The following TMEM41B variants were observed in gnomAD, a reference collection of about 807,000 sequenced individuals.
TMEM41B encodes the protein transmembrane protein 41B.
Under a neutral mutation model 31.9 loss-of-function variants are expected in TMEM41B, and 18 were observed. The observed-to-expected ratio is 0.56, with a 90% CI of 0.39 to 0.84. The LOEUF (loss-of-function observed/expected upper bound fraction) is 0.84, where lower values mean the gene tolerates loss of function less well. TMEM41B is among the 40% of genes least tolerant of loss of function. The probability of loss-of-function intolerance (pLI) is 0.00; values close to 1 mark genes in which losing one functional copy is unlikely to be tolerated. For missense variants in TMEM41B, 322 were observed against 348.0 expected, an observed-to-expected ratio of 0.93 and a Z score of 0.59; for synonymous variants, 144 against 124.3, an observed-to-expected ratio of 1.16 and a Z score of -1.05.
intron 1 of TMEM41B, among the ~76,000 whole-genome samples, chr11:9,309,626 C>G (rs775386783): frequency 3.3e-5 from 5 of 151,426 alleles, no homozygotes; most frequent in African/African-American, 1.2e-4. Context: ...TTATCCAAGT[C>G]AGAACAATAT....
At chr11:9,294,712 A>G (rs1009776098) in intron 3 of TMEM41B, among the ~76,000 whole-genome samples, 3 of 152,102 alleles carry the variant, frequency 2.0e-5, no homozygotes, top group Admixed American at 2.0e-4. Context: ...TTAAAATGTA[A>G]TATATTTCTA....
At chr11:9,291,373 CT>C (rs1474915042) in intron 3 of TMEM41B, among the ~76,000 whole-genome samples, 1 of 150,648 alleles carries the variant, frequency 6.6e-6, no homozygotes, top group Admixed American at 6.7e-5. Context: ...CAGAGTGAGA[CT>C]CCCATCTCAA....
At chr11:9,295,082 T>G in intron 3 of TMEM41B, 177 bp downstream of exon 3, 1 of 898,342 alleles carries the variant, frequency 1.1e-6, no homozygotes, top group Non-Finnish European at 1.5e-6. Flanking sequence ...AAACAATTAG[T>G]TCAGCAAATA....
chr11:9,296,917 T>C (rs1853105091), intron 2 of TMEM41B, among the ~76,000 whole-genome samples: 1 of 151,766 alleles, frequency 6.6e-6, no homozygotes, highest in Non-Finnish European at 1.5e-5. Context: ...GATCATTTCT[T>C]TTTTTTTGTT....
At chr11:9,292,304 A>G (rs1852977502) in intron 3 of TMEM41B, among the ~76,000 whole-genome samples, 2 of 152,220 alleles carry the variant, frequency 1.3e-5, no homozygotes, top group African/African-American at 4.8e-5. Context: ...TTAAATGGGA[A>G]TGTGACTTGA....
At chr11:9,308,704 T>C (rs1853460093) in intron 1 of TMEM41B, among the ~76,000 whole-genome samples, 1 of 152,204 alleles carries the variant, frequency 6.6e-6, no homozygotes, top group South Asian at 2.1e-4. Context: ...ATTCCTACTC[T>C]TTCTTCTACA....
intron 1 of TMEM41B, 82 bp downstream of exon 1, chr11:9,314,239 C>A: frequency 6.9e-7 from 1 of 1,455,414 alleles, no homozygotes. Context: ...CGCGACTCTC[C>A]GAGAATAGCG....
At chr11:9,288,606 G>A (rs1164375038) in intron 3 of TMEM41B, 71 bp from the exon 4 acceptor site, 1 of 1,129,346 alleles carries the variant, frequency 8.9e-7, no homozygotes, top group East Asian at 2.6e-5. Context: ...AACATTTCAG[G>A]AAAAAAGTAT....
chr11:9,294,934 C>T (rs1170041935), intron 3 of TMEM41B, among the ~76,000 whole-genome samples: 1 of 151,872 alleles, frequency 6.6e-6, no homozygotes, highest in Non-Finnish European at 1.5e-5. Context: ...ATTATATAAA[C>T]TAGTATCATC....
At chr11:9,285,558 CA>C (rs928194079) in intron 6 of TMEM41B, among the ~76,000 whole-genome samples, 2 of 152,060 alleles carry the variant, frequency 1.3e-5, no homozygotes, top group African/African-American at 4.8e-5. Flanking sequence ...AACATTCCTA[CA>C]AAGAATCATG....
intron 6 of TMEM41B, among the ~76,000 whole-genome samples, chr11:9,285,235 C>G (rs1470380719): frequency 6.6e-6 from 1 of 151,998 alleles, no homozygotes; most frequent in Non-Finnish European, 1.5e-5. Context: ...CAGGCACCTG[C>G]CACCACATTC....
chr11:9,291,875 T>C (rs1052867540), intron 3 of TMEM41B, among the ~76,000 whole-genome samples: 2 of 152,108 alleles, frequency 1.3e-5, no homozygotes, highest in Admixed American at 6.6e-5. Flanking sequence ...AACTGGCTAA[T>C]TTTTGTATTT....
intron 2 of TMEM41B, among the ~76,000 whole-genome samples, chr11:9,296,603 CAA>C (rs1164835040): frequency 2.5e-5 from 3 of 118,874 alleles, no homozygotes; most frequent in Non-Finnish European, 5.0e-5. Context: ...GACTCCGTCT[CAA>C]AAAAAAAAAA....
intron 1 of TMEM41B, among the ~76,000 whole-genome samples, chr11:9,300,010 T>G (rs181772564): frequency 0.011 from 1,718 of 152,220 alleles, 12 homozygotes; most frequent in Non-Finnish European, 0.019. Flanking sequence ...TCCCAGCTAT[T>G]CGGGAGGCTG....
At chr11:9,308,479 T>C (rs538931584) in intron 1 of TMEM41B, among the ~76,000 whole-genome samples, 67 of 152,310 alleles carry the variant, frequency 4.4e-4, no homozygotes, top group African/African-American at 1.5e-3. Context: ...CTTCATTCTC[T>C]TCCTTCCATG....
chr11:9,287,323 G>T (rs1327188052), intron 5 of TMEM41B, among the ~76,000 whole-genome samples: 1 of 151,944 alleles, frequency 6.6e-6, no homozygotes, highest in East Asian at 1.9e-4. Flanking sequence ...AAAAAGAAAA[G>T]AAAAAAATGC....
rs186203237 is a variant in TMEM41B at position 9,300,659 on chromosome 11, A to C, written c.122-958T>G. On this transcript the variant is annotated intron_variant, in intron 1 of 6. Coordinates refer to ENST00000528080, the MANE Select transcript of TMEM41B (RefSeq NM_015012.4). ...TTTGGGAGGCCGAAGCGGGCAGATC[A>C]TGAGGTCAGGAGATCGAGACCATCC... Among the ~76,000 whole-genome samples the C allele has an allele frequency of 2.6e-3, 394 of 152,114 alleles. 3 individuals carry two copies. The highest frequency in any genetic ancestry group is 4.6e-3 in the Non-Finnish European group (310 of 67,998).
intron 2 of TMEM41B, among the ~76,000 whole-genome samples, chr11:9,296,500 C>T (rs1363627416): frequency 6.6e-6 from 1 of 151,308 alleles, no homozygotes; most frequent in Non-Finnish European, 1.5e-5. Context: ...GTGGTGCATG[C>T]CTGTAATCCC....
Position 9,314,492 on chromosome 11 carries a change from A to C in TMEM41B, c.-51T>G. The C allele has an allele frequency of 6.6e-7, 1 of 1,515,758 alleles. No individual in the cohort carries two copies. The highest frequency in any genetic ancestry group is 1.4e-5 in the African/African-American group (1 of 71,886). 93.9% of individuals were successfully genotyped at this position (1,515,758 alleles called of 1,614,324 possible). On this transcript the variant is annotated 5_prime_UTR_variant, in exon 1 of 7. Transcript: ENST00000528080. ...TGCGGTGCCGCGCCCCCTAAACAACAAAACTCTGTTGCAGGCTCCTTACTA... is the reference window on the plus strand; with the variant it reads ...TGCGGTGCCGCGCCCCCTAAACAACCAAACTCTGTTGCAGGCTCCTTACTA...
Sources: allele counts gnomAD v4.1 joint callset (sites outside exome capture counted in the v4.1 genomes callset), GRCh38; gene constraint gnomAD v4.1.1; transcripts MANE v1.5; gene names NCBI Gene and HGNC (gene_info 2026-07-23, HGNC 2026-07-21).